PDE8A: variants seen among roughly 807,000 people sequenced by gnomAD.
The protein encoded by PDE8A is high affinity cAMP-specific and IBMX-insensitive 3',5'-cyclic phosphodiesterase 8A.
PDE8A carries 59 observed loss-of-function variants against 105.0 expected under a neutral mutation model. The observed-to-expected ratio is 0.56, with a 90% CI of 0.46 to 0.70. PDE8A has a LOEUF of 0.70. Ranked by LOEUF, PDE8A falls within the 30% of genes least tolerant of loss-of-function variation. The pLI is 0.00. For synonymous variants in PDE8A, 355 were observed against 371.9 expected, an observed-to-expected ratio of 0.95 and a Z score of 0.52; for missense variants, 1,014 against 1,045.9, an observed-to-expected ratio of 0.97 and a Z score of 0.42.
intron 1 of PDE8A, among the ~76,000 whole-genome samples, chr15:85,051,693 C>A (rs560900715): frequency 1.3e-5 from 2 of 152,254 alleles, no homozygotes; most frequent in African/African-American, 4.8e-5. Flanking sequence ...CATTCAGCTC[C>A]TGCTTAGAGA....
At position 85,117,710 on chromosome 15, in the gene PDE8A, G is replaced by A. The variant is rs907910218; in HGVS notation, c.1605G>A (p.Glu535=). Residue 535 remains glutamate (E), a synonymous_variant, in exon 17 of 22, where the codon GAG becomes GAA. Coordinates refer to ENST00000394553, the MANE Select transcript of PDE8A (RefSeq NM_002605.3). ...FGICEFLHCS[E]STLRSWLQII... ...TCTGTGAATTCTTACACTGCTCCGA[G>A]TCAACGCTAAGATCATGGTTACAAA... The A allele has an allele frequency of 6.2e-7, 1 of 1,614,060 alleles. No individual in the cohort carries two copies. Among genetic ancestry groups the A allele is most frequent in the Non-Finnish European group, 8.5e-7 (1 of 1,179,912 alleles).
intron 1 of PDE8A, among the ~76,000 whole-genome samples, chr15:85,029,669 T>C (rs973653172): frequency 1.3e-5 from 2 of 152,190 alleles, no homozygotes; most frequent in African/African-American, 4.8e-5. Flanking sequence ...ACCCTGGAGA[T>C]AGAAACATTT....
chr15:85,118,316 G>A (rs993530101), intron 17 of PDE8A, among the ~76,000 whole-genome samples: 1 of 152,048 alleles, frequency 6.6e-6, no homozygotes, highest in African/African-American at 2.4e-5. Context: ...ATTAGAAACC[G>A]AGAGTCATCC....
chr15:84,996,193 A>C (rs115390088), intron 1 of PDE8A, among the ~76,000 whole-genome samples: 30,846 of 151,436 alleles, frequency 0.2, 7,201 homozygotes, highest in African/African-American at 0.58. Context: ...TTTTAATTTA[A>C]TTATTTTTAG....
chr15:85,096,343 C>T (rs2081752781), intron 8 of PDE8A, among the ~76,000 whole-genome samples: 1 of 151,942 alleles, frequency 6.6e-6, no homozygotes, highest in South Asian at 2.1e-4. Context: ...CCTGTGGTCC[C>T]AGCTACTTGG....
intron 1 of PDE8A, among the ~76,000 whole-genome samples, chr15:84,991,216 G>T (rs755396408): frequency 1.3e-5 from 2 of 152,116 alleles, no homozygotes; most frequent in African/African-American, 4.8e-5. Flanking sequence ...AAAGGAAAGC[G>T]GCAGACTGGA....
At chr15:85,090,066 T>C (rs1282314409) in intron 7 of PDE8A, among the ~76,000 whole-genome samples, 1 of 152,232 alleles carries the variant, frequency 6.6e-6, no homozygotes, top group African/African-American at 2.4e-5. Context: ...TCTTTCACTT[T>C]AATATGACTT....
chr15:85,065,722 C>T (rs1161827587), intron 2 of PDE8A, among the ~76,000 whole-genome samples: 1 of 152,262 alleles, frequency 6.6e-6, no homozygotes, highest in Non-Finnish European at 1.5e-5. Flanking sequence ...CCATCTCCTC[C>T]TTACCACTGT....
chr15:85,024,489 C>G (rs1344806095), intron 1 of PDE8A, among the ~76,000 whole-genome samples: 1 of 151,294 alleles, frequency 6.6e-6, no homozygotes, highest in Non-Finnish European at 1.5e-5. Context: ...CAGGTTGTTT[C>G]TCTTTTAGTG....
At chr15:85,057,198 T>C (rs1292742679) in intron 1 of PDE8A, among the ~76,000 whole-genome samples, 1 of 152,098 alleles carries the variant, frequency 6.6e-6, no homozygotes, top group Non-Finnish European at 1.5e-5. Context: ...CACCCAGCCG[T>C]ATGAGGTGTC....
At chr15:85,105,597 C>G (rs748417882) in intron 11 of PDE8A, among the ~76,000 whole-genome samples, 2 of 152,096 alleles carry the variant, frequency 1.3e-5, no homozygotes, top group African/African-American at 4.8e-5. Flanking sequence ...TGGATTTACC[C>G]AGCAGGTCAA....
At chr15:85,137,462 C>CG (rs1248338739) in intron 21 of PDE8A, among the ~76,000 whole-genome samples, 3 of 140,526 alleles carry the variant, frequency 2.1e-5, no homozygotes, top group Non-Finnish European at 4.6e-5. Context: ...TCGGTTGGGG[C>CG]GGGGGGGCAG....
intron 11 of PDE8A, among the ~76,000 whole-genome samples, chr15:85,100,603 C>T (rs2081845672): frequency 6.6e-6 from 1 of 152,234 alleles, no homozygotes; most frequent in South Asian, 2.1e-4. Context: ...TCGCACTTGC[C>T]TCACCTCTAT....
chr15:85,069,412 G>A (rs901282076), intron 3 of PDE8A, among the ~76,000 whole-genome samples: 8 of 152,140 alleles, frequency 5.3e-5, no homozygotes, highest in African/African-American at 9.7e-5. Flanking sequence ...CACAGTTGGC[G>A]CACAGGATTG....
At chr15:84,983,041 G>T (rs1037191123) in intron 1 of PDE8A, among the ~76,000 whole-genome samples, 3 of 152,162 alleles carry the variant, frequency 2.0e-5, no homozygotes, top group African/African-American at 4.8e-5. Flanking sequence ...TGTGACTGGG[G>T]TTTTTTGTTT....
chr15:84,984,195 A>G (rs2079766122), intron 1 of PDE8A, among the ~76,000 whole-genome samples: 1 of 152,218 alleles, frequency 6.6e-6, no homozygotes, highest in Non-Finnish European at 1.5e-5. Flanking sequence ...TCAAATTATA[A>G]ATTATAACAC....
chr15:84,996,116 A>G (rs765939414), intron 1 of PDE8A, among the ~76,000 whole-genome samples: 8 of 151,952 alleles, frequency 5.3e-5, no homozygotes, highest in Non-Finnish European at 1.2e-4. Context: ...TTGACCTCTC[A>G]TGTGCATTGC....
upstream of PDE8A, among the ~76,000 whole-genome samples, chr15:84,981,400 G>T (rs2142127898): frequency 6.6e-6 from 1 of 152,242 alleles, no homozygotes; most frequent in Admixed American, 6.5e-5. Context: ...CGGAGCCGGA[G>T]CCGTACCGCC....
At position 85,064,117 on chromosome 15, in the gene PDE8A, G is replaced by A. The variant is rs148309710; in HGVS notation, c.187-253G>A. 4.5e-4 allele frequency: 187 copies of A among 418,564 alleles called. 1 individual carries two copies. The highest frequency in any genetic ancestry group is 3.7e-3 in the African/African-American group (180 of 49,268). 25.9% of individuals were successfully genotyped at this position (418,564 alleles called of 1,614,324 possible). ...ATTCACTTAAAGTCACATGTAGCTA[G>A]TAAAAGGCAAAGCCAGAATCACATT... On this transcript the variant is annotated intron_variant, in intron 1 of 21. Transcript: ENST00000394553.
Sources: gnomAD v4.1 joint callset for allele counts (sites outside exome capture counted in the v4.1 genomes callset) on GRCh38, gnomAD v4.1.1 for gene constraint, MANE v1.5 for transcripts, NCBI Gene and HGNC (gene_info 2026-07-23, HGNC 2026-07-21) for gene names.